Variants in ARFGEF2 observed in about 807,000 individuals in gnomAD.
ARFGEF2 encodes brefeldin A-inhibited guanine nucleotide-exchange protein 2.
Under a neutral mutation model 219.9 loss-of-function variants are expected in ARFGEF2, and 74 were observed. The observed-to-expected ratio is 0.34, with a 90% CI of 0.28 to 0.41. ARFGEF2 has a LOEUF of 0.41. ARFGEF2 is among the 10% of genes least tolerant of loss of function. The pLI, the probability that ARFGEF2 is intolerant of heterozygous loss-of-function variation, is 1.00. For synonymous variants in ARFGEF2, 733 were observed against 799.2 expected, an observed-to-expected ratio of 0.92 and a Z score of 1.40; for missense variants, 1,743 against 2,218.3, an observed-to-expected ratio of 0.79 and a Z score of 4.30.
intron 33 of ARFGEF2, 45 bp downstream of exon 33, chr20:49,017,595 C>G (rs2091538435): frequency 6.2e-7 from 1 of 1,601,078 alleles, no homozygotes; most frequent in Non-Finnish European, 8.6e-7. Flanking sequence ...TTTTTTCTAT[C>G]TTAGTAAAAG....
intron 28 of ARFGEF2, 123 bp from the exon 29 acceptor site, chr20:49,013,441 C>T: frequency 2.4e-6 from 3 of 1,240,086 alleles, no homozygotes; most frequent in Non-Finnish European, 3.5e-6. Flanking sequence ...CCCACTGTAC[C>T]CTTGCTGAAT....
At chr20:49,023,910 A>AT (rs1455954493) in intron 35 of ARFGEF2, among the ~76,000 whole-genome samples, 2 of 152,040 alleles carry the variant, frequency 1.3e-5, no homozygotes, top group Non-Finnish European at 2.9e-5. Context: ...TCCTTCAAGA[A>AT]TTTCGCTTTT....
chr20:48,997,922 A>G (rs1468060876), intron 23 of ARFGEF2, among the ~76,000 whole-genome samples: 6 of 152,124 alleles, frequency 3.9e-5, no homozygotes, highest in Non-Finnish European at 7.4e-5. Context: ...CAGTGGCGCA[A>G]TCTCGGCTTA....
rs569408814 is a variant in ARFGEF2, at chr20:48,942,559, A to G, written c.276+572A>G. On this transcript the variant is annotated intron_variant, in intron 3 of 38. Coordinates refer to ENST00000371917, the MANE Select transcript of ARFGEF2 (RefSeq NM_006420.3). ...GAGTGCAATGGCGCGACCTCAGCTC[A>G]CTGCAACGTCTGCTTCTCGGGTTCA... Among the ~76,000 whole-genome samples the G allele has an allele frequency of 1.5e-3, 197 of 135,238 alleles. 1 individual carries two copies. The Middle Eastern group carries it at 0.015, about 10-fold the overall frequency. The allele number at this position is 135,238 out of a possible 152,430, so 88.7% of individuals were successfully genotyped here.
intron 23 of ARFGEF2, among the ~76,000 whole-genome samples, chr20:48,996,741 TAA>T (rs57732705): frequency 5.9e-4 from 64 of 107,896 alleles, no homozygotes; most frequent in African/African-American, 1.6e-3. Context: ...AGACTCCGTC[TAA>T]AAAAAAAAAA....
At chr20:48,961,344 A>G (rs1157904411) in intron 6 of ARFGEF2, among the ~76,000 whole-genome samples, 1 of 152,028 alleles carries the variant, frequency 6.6e-6, no homozygotes, top group Non-Finnish European at 1.5e-5. Context: ...CTAAGCCACA[A>G]AACACACAGA....
intron 34 of ARFGEF2, 125 bp downstream of exon 34, chr20:49,019,123 T>A (rs1241443215): frequency 5.1e-6 from 4 of 780,860 alleles, no homozygotes; most frequent in Non-Finnish European, 8.5e-6. Context: ...GCCAGTTCTC[T>A]GTAGCAGCCA....
intron 10 of ARFGEF2, 94 bp from the exon 11 acceptor site, chr20:48,972,232 C>G: frequency 1.2e-6 from 1 of 857,562 alleles, no homozygotes; most frequent in Non-Finnish European, 2.0e-6. Flanking sequence ...GCTTTACTTA[C>G]TGCACGACTG....
intron 6 of ARFGEF2, among the ~76,000 whole-genome samples, chr20:48,963,259 T>G (rs941402218): frequency 2.0e-5 from 3 of 152,064 alleles, no homozygotes; most frequent in African/African-American, 7.3e-5. Context: ...AGAGCTAGTT[T>G]TCTGCGGCGG....
chr20:49,001,193 C>T (rs886696127), intron 25 of ARFGEF2, among the ~76,000 whole-genome samples: 6 of 151,620 alleles, frequency 4.0e-5, no homozygotes, highest in South Asian at 2.1e-4. Context: ...ACATGCATCA[C>T]CACACCTAGC....
Position 48,973,411 on chromosome 20 carries a change from A to T in ARFGEF2, c.1665+127A>T. 5 of 977,852 alleles carry T rather than the reference A, an allele frequency of 5.1e-6. No homozygotes were observed. The South Asian group carries it at 6.9e-5, about 14-fold the overall frequency. The allele number at this position is 977,852 out of a possible 1,614,324, so 60.6% of individuals were successfully genotyped here. Reference sequence around the variant, plus strand: ...GAACAAAACAGGAATGCATATTCACACACTTCCTGCCATCATGAAACGACA... The same window carrying T: ...GAACAAAACAGGAATGCATATTCACTCACTTCCTGCCATCATGAAACGACA... On this transcript the variant is annotated intron_variant, in intron 12 of 38. Coordinates refer to ENST00000371917, the MANE Select transcript of ARFGEF2 (RefSeq NM_006420.3).
At chr20:49,018,228 TTTTTA>T (rs934991608) in intron 33 of ARFGEF2, among the ~76,000 whole-genome samples, 4 of 152,150 alleles carry the variant, frequency 2.6e-5, no homozygotes, top group African/African-American at 9.7e-5. Flanking sequence ...ATTTTTTTAT[TTTTTA>T]TTTTATTTTA....
At chr20:49,016,049 T>C (rs2091527909) in intron 30 of ARFGEF2, among the ~76,000 whole-genome samples, 1 of 152,252 alleles carries the variant, frequency 6.6e-6, no homozygotes, top group African/African-American at 2.4e-5. Context: ...ATGCGTTTTT[T>C]ATTTATTTTT....
chr20:48,988,926 A>G (rs2091341830), intron 18 of ARFGEF2, among the ~76,000 whole-genome samples: 1 of 152,200 alleles, frequency 6.6e-6, no homozygotes, highest in Non-Finnish European at 1.5e-5. Flanking sequence ...ACTTTTCTTT[A>G]ATTCAGATTG....
At chr20:48,986,554 C>CAT (rs1267293521) in intron 16 of ARFGEF2, among the ~76,000 whole-genome samples, 3 of 151,862 alleles carry the variant, frequency 2.0e-5, no homozygotes, top group Non-Finnish European at 4.4e-5. Context: ...GCAGAGGCTA[C>CAT]AGTGAGCCGA....
chr20:49,003,040 T>C (rs2091434944), intron 25 of ARFGEF2, among the ~76,000 whole-genome samples: 1 of 144,634 alleles, frequency 6.9e-6, no homozygotes, highest in African/African-American at 2.6e-5. Context: ...CCATTTTGGC[T>C]CACTACAACC....
intron 10 of ARFGEF2, among the ~76,000 whole-genome samples, chr20:48,972,108 C>G (rs1454033191): frequency 6.6e-6 from 1 of 152,172 alleles, no homozygotes. Context: ...ATGGGTCCTG[C>G]ATTTCCACTT....
intron 16 of ARFGEF2, among the ~76,000 whole-genome samples, chr20:48,986,685 T>C (rs1041838751): frequency 1.3e-5 from 2 of 152,042 alleles, no homozygotes; most frequent in African/African-American, 4.8e-5. Flanking sequence ...GTGACCATGA[T>C]GTGGAAATTG....
At position 49,017,693 on chromosome 20, in the gene ARFGEF2, T is replaced by G. The variant is rs181760940; in HGVS notation, c.4509+143T>G. ...AAAATAGTATATATTCATAATATAT[T>G]TTTTAGAAAGTCCAGAAAAGCATTA... On this transcript the variant is annotated intron_variant, in intron 33 of 38. Transcript: ENST00000371917. 1.7e-4 allele frequency: 138 copies of G among 822,774 alleles called. 1 individual carries two copies. The East Asian group carries it at 3.9e-3, about 23-fold the overall frequency. 51.0% of individuals were successfully genotyped at this position (822,774 alleles called of 1,614,324 possible).
Sources: allele counts gnomAD v4.1 joint callset (sites outside exome capture counted in the v4.1 genomes callset), GRCh38; gene constraint gnomAD v4.1.1; transcripts MANE v1.5; gene names NCBI Gene and HGNC (gene_info 2026-07-23, HGNC 2026-07-21).